RALB: variants seen among roughly 807,000 people sequenced by gnomAD.
The protein encoded by RALB is RAS like proto-oncogene B.
A neutral mutation model predicts 21.3 loss-of-function variants in RALB; 16 were observed. The ratio of observed to expected loss-of-function variants is 0.75; its 90% CI spans 0.51 to 1.14. The LOEUF (loss-of-function observed/expected upper bound fraction) is 1.14. RALB is among the 50% of genes most tolerant of loss of function. RALB has a pLI of 0.00. For synonymous variants in RALB, 93 were observed against 96.1 expected (o/e 0.97, Z 0.19); for missense variants, 161 against 256.2 (o/e 0.63, Z 2.54).
In RALB at chr2:120,253,396, T is replaced by C. The variant is rs1415425543; in HGVS notation, c.-48+416T>C. 4.1e-6 allele frequency: 4 copies of C among 985,572 alleles called. No individual in the cohort carries two copies. In the African/African-American group the frequency reaches 7.0e-5, roughly 17 times the overall value. The allele number at this position is 985,572 out of a possible 1,614,324, so 61.1% of individuals were successfully genotyped here. A position where few individuals can be genotyped will look rare whatever the true frequency, so the allele number is the denominator to read the frequency against. ...GCAAAAACTTAACTGCCCTCGGAAC[T>C]TGCACGCGCCGTGAACTGGGCGGTG... On this transcript the variant is annotated intron_variant, in intron 1 of 4. Transcript: ENST00000272519.
intron 1 of RALB, among the ~76,000 whole-genome samples, chr2:120,267,355 T>C (rs1256224015): frequency 2.6e-5 from 4 of 151,854 alleles, no homozygotes; most frequent in Admixed American, 6.6e-5. Flanking sequence ...AATTGAAAGA[T>C]AATTTAGATC....
At chr2:120,269,059 A>G (rs1341542991) in intron 1 of RALB, among the ~76,000 whole-genome samples, 2 of 152,322 alleles carry the variant, frequency 1.3e-5, no homozygotes, top group East Asian at 3.9e-4. Context: ...TGGTCAGTAC[A>G]TATAGCACTT....
At chr2:120,278,052 TG>T (rs1455765795) in intron 1 of RALB, among the ~76,000 whole-genome samples, 1 of 150,138 alleles carries the variant, frequency 6.7e-6, no homozygotes, top group Non-Finnish European at 1.5e-5. Flanking sequence ...TGTGTGTGAA[TG>T]TGAGCGTGTG....
intron 1 of RALB, 135 bp from the exon 2 acceptor site, chr2:120,278,483 C>A: frequency 1.2e-6 from 1 of 855,540 alleles, no homozygotes. Context: ...CGCATGTCTG[C>A]CCTGAGCCTG....
At chr2:120,288,341 A>ATTTTTTTTTT (rs1690217441) in intron 3 of RALB, among the ~76,000 whole-genome samples, 2 of 58,884 alleles carry the variant, frequency 3.4e-5, no homozygotes, top group Non-Finnish European at 7.3e-5. Context: ...TGAAAATTTT[A>ATTTTTTTTTT]GTTTTTTTTT....
At chr2:120,243,936 C>G (rs924051639) in intron 1 of RALB, among the ~76,000 whole-genome samples, 1 of 152,000 alleles carries the variant, frequency 6.6e-6, no homozygotes, top group Admixed American at 6.6e-5. Flanking sequence ...AAGAACTACC[C>G]GAGACTGGGT....
intron 2 of RALB, among the ~76,000 whole-genome samples, chr2:120,279,666 T>C (rs1281758165): frequency 1.3e-5 from 2 of 151,598 alleles, no homozygotes; most frequent in Admixed American, 1.3e-4. Flanking sequence ...CATGGAACCA[T>C]TTCTCTAGGG....
chr2:120,259,317 G>A (rs1424206043), intron 1 of RALB, among the ~76,000 whole-genome samples: 5 of 152,150 alleles, frequency 3.3e-5, no homozygotes, highest in Admixed American at 6.5e-5. Context: ...TTGTCAGGGC[G>A]CTGATTGGTG....
At chr2:120,251,770 C>T (rs1689061509), upstream of RALB, among the ~76,000 whole-genome samples, 1 of 152,174 alleles carries the variant, frequency 6.6e-6, no homozygotes, top group African/African-American at 2.4e-5. Flanking sequence ...AAACAGAATA[C>T]TTAGTAGGCT....
Position 120,293,227 on chromosome 2 carries a change from G to A in RALB, c.588G>A (p.Lys196=), listed in dbSNP as rs148881695. 4 of 1,613,508 alleles carry A rather than the reference G, an allele frequency of 2.5e-6. No homozygotes were observed. The highest frequency in any genetic ancestry group is 3.4e-6 in the Non-Finnish European group (4 of 1,179,738). ...DKNGKKSSKN[K]KSFKERCCLL is the part of the protein sequence containing the mutation. ...ATGGCAAGAAAAGCAGCAAGAACAA[G>A]AAAAGTTTTAAAGAAAGATGTTGCT... The change falls in exon 5 of 5, where the codon AAG becomes AAA. Residue 196 remains lysine, a synonymous_variant. Coordinates refer to ENST00000272519, the MANE Select transcript of RALB (RefSeq NM_002881.3).
At chr2:120,251,720 A>G (rs1368373114), upstream of RALB, among the ~76,000 whole-genome samples, 1 of 152,256 alleles carries the variant, frequency 6.6e-6, no homozygotes, top group Non-Finnish European at 1.5e-5. Context: ...TCATACGATT[A>G]GCACTCAATA....
chr2:120,271,376 C>T (rs1054002254), intron 1 of RALB, among the ~76,000 whole-genome samples: 1 of 152,198 alleles, frequency 6.6e-6, no homozygotes, highest in South Asian at 2.1e-4. Flanking sequence ...TTTCCCAGTG[C>T]TCTTGCCCCA....
chr2:120,277,308 G>T (rs189503024), intron 1 of RALB, among the ~76,000 whole-genome samples: 1 of 151,778 alleles, frequency 6.6e-6, no homozygotes, highest in African/African-American at 2.4e-5. Context: ...TTCTGTGAAC[G>T]TGTTACAGCA....
intron 2 of RALB, 134 bp from the exon 3 acceptor site, chr2:120,285,740 G>A: frequency 1.4e-6 from 1 of 690,606 alleles, no homozygotes. Flanking sequence ...ATAAAGAACA[G>A]AAGTGTTACG....
upstream of RALB, among the ~76,000 whole-genome samples, chr2:120,252,363 G>A (rs540927635): frequency 5.8e-4 from 88 of 152,362 alleles, no homozygotes; most frequent in South Asian, 1.9e-3. Context: ...GGTGGCGGCA[G>A]GTGGAGTCCC....
intron 4 of RALB, among the ~76,000 whole-genome samples, chr2:120,291,468 T>C (rs1490189235): frequency 6.6e-6 from 1 of 152,184 alleles, no homozygotes; most frequent in Admixed American, 6.5e-5. Context: ...AGCTTGGAAC[T>C]GTGGATGTGT....
Position 120,252,894 on chromosome 2 carries a change from G to A in RALB, c.-134G>A, listed in dbSNP as rs1170487063. On this transcript the variant is annotated 5_prime_UTR_variant, in exon 1 of 5. Transcript: ENST00000272519. ...CTCAATGACAAATCGGTGGAGGACG[G>A]CTGGGGTCCGGCCCCGGGAGGGGGC... The A allele has an allele frequency of 9.1e-6, 9 of 985,458 alleles. No homozygotes were observed. Among genetic ancestry groups the A allele is most frequent in the Non-Finnish European group, 1.1e-5 (9 of 830,058 alleles). 61.0% of individuals were successfully genotyped at this position (985,458 alleles called of 1,614,324 possible). A position where few individuals can be genotyped will look rare whatever the true frequency, so the allele number is the denominator to read the frequency against.
intron 1 of RALB, among the ~76,000 whole-genome samples, chr2:120,240,287 A>T (rs939139519): frequency 0.038 from 5,011 of 133,444 alleles, 304 homozygotes; most frequent in African/African-American, 0.15. Context: ...TTTTATTTTT[A>T]TTTTTATTTT....
In RALB at chr2:120,289,681, A is replaced by G. The variant is rs1203529801; in HGVS notation, c.425A>G (p.Glu142Gly). The G allele has an allele frequency of 1.9e-6, 3 of 1,614,192 alleles. No individual in the cohort carries two copies. In the South Asian group the frequency reaches 3.3e-5, roughly 18 times the overall value. ...LEERRQVPVEEARSKAEEWGV... is the reference protein window; with the variant it reads ...LEERRQVPVEGARSKAEEWGV... ...GAGCGGAGGCAGGTGCCTGTGGAGG[A>G]GGCCAGGAGTAAAGCCGAAGAGTGG... is the stretch of plus-strand genomic sequence containing the variant. Residue 142 changes from glutamate to glycine, a missense_variant, in exon 4 of 5, where the codon GAG (glutamate) becomes GGG (glycine). Transcript: ENST00000272519.
Sources: allele counts gnomAD v4.1 joint callset (sites outside exome capture counted in the v4.1 genomes callset), GRCh38; gene constraint gnomAD v4.1.1; transcripts MANE v1.5; gene names NCBI Gene and HGNC (gene_info 2026-07-23, HGNC 2026-07-21).